The following DIAPH3 variants were observed in gnomAD, a reference collection of about 807,000 sequenced individuals.
DIAPH3 encodes diaphanous related formin 3.
A neutral mutation model predicts 144.3 loss-of-function variants in DIAPH3; 117 were observed. The observed-to-expected ratio is 0.81, with a 90% CI of 0.70 to 0.95. The LOEUF (loss-of-function observed/expected upper bound fraction) is 0.95. DIAPH3 is among the 40% of genes least tolerant of loss of function. The probability of loss-of-function intolerance (pLI) is 0.00; values close to 1 mark genes in which losing one functional copy is unlikely to be tolerated. For missense variants in DIAPH3, 1,421 were observed against 1,412.7 expected (o/e 1.01, Z -0.09); for synonymous variants, 519 against 488.9 (o/e 1.06, Z -0.81).
chr13:60,105,538 A>G (rs1459721827), intron 3 of DIAPH3, among the ~76,000 whole-genome samples: 1 of 152,112 alleles, frequency 6.6e-6, no homozygotes, highest in African/African-American at 2.4e-5. Context: ...CCATGAATCA[A>G]CTTGATAATT....
chr13:59,818,102 A>G (rs888522985), intron 24 of DIAPH3, among the ~76,000 whole-genome samples: 1 of 151,992 alleles, frequency 6.6e-6, no homozygotes, highest in African/African-American at 2.4e-5. Context: ...TTACTGGTAC[A>G]TAGCCACAGC....
At chr13:59,688,623 A>G (rs975951308) in intron 27 of DIAPH3, among the ~76,000 whole-genome samples, 3 of 152,048 alleles carry the variant, frequency 2.0e-5, no homozygotes, top group Non-Finnish European at 4.4e-5. Context: ...TCAAGTGTCA[A>G]ATGAATTGTG....
chr13:59,856,714 T>C (rs1033241072), intron 22 of DIAPH3, among the ~76,000 whole-genome samples: 2 of 152,212 alleles, frequency 1.3e-5, no homozygotes, highest in African/African-American at 4.8e-5. Flanking sequence ...GGTTTAGGGC[T>C]TTAACATAGG....
intron 2 of DIAPH3, among the ~76,000 whole-genome samples, chr13:60,127,808 T>A (rs1444756804): frequency 6.6e-6 from 1 of 152,188 alleles, no homozygotes; most frequent in East Asian, 1.9e-4. Flanking sequence ...ACTAGTGCAC[T>A]CATTATTGTA....
intron 25 of DIAPH3, among the ~76,000 whole-genome samples, chr13:59,809,403 G>A (rs1056039427): frequency 2.0e-5 from 3 of 151,748 alleles, no homozygotes; most frequent in Admixed American, 2.0e-4. Flanking sequence ...CGGGAGGCTT[G>A]AGGCAGGAGA....
rs541616926 is a variant in DIAPH3 at position 59,810,869 on chromosome 13, C to A, written c.3082G>T (p.Val1028Phe). 9 of 1,613,090 alleles carry A rather than the reference C, an allele frequency of 5.6e-6. No homozygotes were observed. Among genetic ancestry groups the A allele is most frequent in the Non-Finnish European group, 6.8e-6 (8 of 1,179,776 alleles). ...KREAEEKEKRVRIAKELAERE... is the reference protein window; with the variant it reads ...KREAEEKEKRFRIAKELAERE... ...TCTGCTAATTCTTTAGCTATTCTGA[C>A]ACGTTTTTCTTTTTCCTCTGCTTCT... The change falls in exon 25 of 28, where the codon GTC (valine) becomes TTC (phenylalanine). Residue 1028 changes from valine (V) to phenylalanine (F), a missense_variant. Transcript: ENST00000400324.
At chr13:60,099,913 AAGG>A (rs1468187538) in intron 3 of DIAPH3, among the ~76,000 whole-genome samples, 5 of 66,796 alleles carry the variant, frequency 7.5e-5, no homozygotes, top group African/African-American at 3.4e-4. Flanking sequence ...TAAGAGAAGG[AAGG>A]AAGGAAGGAA....
Position 59,666,706 on chromosome 13 carries a change from T to G in DIAPH3, c.3460A>C (p.Lys1154Gln), listed in dbSNP as rs754556491. The G allele has an allele frequency of 1.9e-6, 3 of 1,614,042 alleles. No homozygotes were observed. Among genetic ancestry groups the G allele is most frequent in the African/African-American group, 2.7e-5 (2 of 74,946 alleles). ...TSTGRIKAAE[K>Q]KEACNVESNR... ...CTTTCTACATTACACGCTTCCTTCT[T>G]CTCAGCTGCCTTGATCCTCCCAGTA... Residue 1154 changes from lysine (K) to glutamine (Q), a missense_variant, in exon 28 of 28, where the codon AAG (lysine) becomes CAG (glutamine). Physicochemically the swap from Lys to Gln is moderately conservative, Grantham distance 53 (BLOSUM62 1). Transcript: ENST00000400324.
chr13:60,016,123 C>A lies in DIAPH3; in HGVS notation c.649G>T (p.Glu217Ter). ...ATGTCTAATAATAATCCAAGCCCTT[C>A]ATGTCCAAAGCTTTCCACCCAACTG... ...PVSWVESFGHEGLGLLLDILE... is the reference protein window; with the variant it reads ...PVSWVESFGH The change falls in exon 6 of 28, where the codon GAA becomes TAA. Residue 217 changes from glutamate (E) to a stop codon, truncating the protein, a stop_gained. Transcript: ENST00000400324. LOFTEE classifies it high-confidence loss of function. 6.2e-7 allele frequency: 1 copy of A among 1,613,738 alleles called. No individual in the cohort carries two copies. The highest frequency in any genetic ancestry group is 8.5e-7 in the Non-Finnish European group (1 of 1,179,834).
chr13:59,827,106 C>G (rs535093155), intron 24 of DIAPH3, among the ~76,000 whole-genome samples: 2 of 152,150 alleles, frequency 1.3e-5, no homozygotes, highest in South Asian at 4.1e-4. Flanking sequence ...CATTACCATT[C>G]ACGACATAGG....
intron 17 of DIAPH3, among the ~76,000 whole-genome samples, chr13:59,948,115 A>T (rs2048895590): frequency 6.6e-6 from 1 of 152,214 alleles, no homozygotes. Flanking sequence ...ATTAAAGCTA[A>T]TCTGAAAGAG....
chr13:59,817,459 C>A (rs931529227), intron 24 of DIAPH3, among the ~76,000 whole-genome samples: 2 of 151,820 alleles, frequency 1.3e-5, no homozygotes, highest in African/African-American at 4.8e-5. Context: ...TGTCTTGAGT[C>A]AATTGTACCT....
intron 21 of DIAPH3, among the ~76,000 whole-genome samples, chr13:59,867,360 AAT>A (rs2139975750): frequency 6.6e-6 from 1 of 151,872 alleles, no homozygotes; most frequent in South Asian, 2.1e-4. Context: ...CACAACCATT[AAT>A]ATTAAAATAT....
At chr13:59,788,493 A>G (rs2039150751) in intron 25 of DIAPH3, among the ~76,000 whole-genome samples, 1 of 152,164 alleles carries the variant, frequency 6.6e-6, no homozygotes, top group African/African-American at 2.4e-5. Flanking sequence ...GATTGCACAT[A>G]TCACATAATA....
intron 27 of DIAPH3, among the ~76,000 whole-genome samples, chr13:59,711,756 T>A (rs1331278037): frequency 6.6e-6 from 1 of 152,166 alleles, no homozygotes; most frequent in Non-Finnish European, 1.5e-5. Flanking sequence ...AGAATTCAGA[T>A]CAAAGTTTGA....
intron 27 of DIAPH3, among the ~76,000 whole-genome samples, chr13:59,732,582 C>G (rs755927497): frequency 1.3e-5 from 2 of 151,636 alleles, no homozygotes; most frequent in Non-Finnish European, 2.9e-5. Context: ...GCTGGGACTA[C>G]AGGCGCACTC....
intron 4 of DIAPH3, among the ~76,000 whole-genome samples, chr13:60,061,028 AAAGT>A (rs1056529709): frequency 2.0e-5 from 3 of 152,088 alleles, no homozygotes; most frequent in African/African-American, 7.2e-5. Context: ...AAACAGTTAA[AAAGT>A]AAGGGATCCT....
In DIAPH3 at chr13:59,961,425, G is replaced by A. The variant is rs535537363; in HGVS notation, c.2074+8519C>T. Reference sequence around the variant, plus strand: ...GACTCCACAACATCCCTCACTTCGCGTGTATATTACACAGCATGGTGTTAG... The same window carrying A: ...GACTCCACAACATCCCTCACTTCGCATGTATATTACACAGCATGGTGTTAG... On this transcript the variant is annotated intron_variant, in intron 17 of 27. Transcript: ENST00000400324. Among the ~76,000 whole-genome samples, 5 of 152,264 alleles carry A rather than the reference G, an allele frequency of 3.3e-5. No individual in the cohort carries two copies. In the South Asian group the frequency reaches 8.3e-4, roughly 25 times the overall value.
At chr13:59,809,835 C>A (rs1431643816) in intron 25 of DIAPH3, among the ~76,000 whole-genome samples, 1 of 152,048 alleles carries the variant, frequency 6.6e-6, no homozygotes, top group Non-Finnish European at 1.5e-5. Context: ...CCTGGGGAAA[C>A]CTTAGGTGAA....
Sources: gnomAD v4.1 joint callset for allele counts (sites outside exome capture counted in the v4.1 genomes callset) on GRCh38, gnomAD v4.1.1 for gene constraint, MANE v1.5 for transcripts, NCBI Gene and HGNC (gene_info 2026-07-23, HGNC 2026-07-21) for gene names.